COG5: variants seen among roughly 807,000 people sequenced by gnomAD.
The protein encoded by COG5 is component of oligomeric golgi complex 5, also known as conserved oligomeric Golgi complex subunit 5.
Under a neutral mutation model 110.4 loss-of-function variants are expected in COG5, and 86 were observed. The observed-to-expected ratio is 0.78, with a 90% confidence interval of 0.65 to 0.93. COG5 has a LOEUF of 0.93. Among genes scored for constraint, COG5 ranks in the 40% least tolerant of loss-of-function variants. The pLI is 0.00. For missense variants in COG5, 1,077 were observed against 987.0 expected (o/e 1.09, Z -1.22); for synonymous variants, 360 against 334.6 (o/e 1.08, Z -0.83).
intron 21 of COG5, among the ~76,000 whole-genome samples, chr7:107,205,007 A>G (rs1222539304): frequency 6.6e-6 from 1 of 152,078 alleles, no homozygotes; most frequent in Non-Finnish European, 1.5e-5. Flanking sequence ...TGCTACACAC[A>G]TTTCCACATC....
chr7:107,508,497 T>C (rs1554452235), intron 6 of COG5, among the ~76,000 whole-genome samples: 1 of 152,192 alleles, frequency 6.6e-6, no homozygotes, highest in Non-Finnish European at 1.5e-5. Context: ...CTCTGCAGAC[T>C]TAAAGGTCCC....
intron 10 of COG5, among the ~76,000 whole-genome samples, chr7:107,352,410 G>A (rs1812236872): frequency 6.7e-6 from 1 of 150,350 alleles, no homozygotes; most frequent in South Asian, 2.1e-4. Context: ...GTATACATAT[G>A]GAACAAACCT....
intron 7 of COG5, among the ~76,000 whole-genome samples, chr7:107,378,439 A>G (rs1814818478): frequency 1.3e-5 from 2 of 152,200 alleles, no homozygotes; most frequent in African/African-American, 4.8e-5. Flanking sequence ...AAATGACAGA[A>G]GCAGGCTTCA....
intron 10 of COG5, among the ~76,000 whole-genome samples, chr7:107,339,231 CA>C (rs1324051829): frequency 1.3e-5 from 2 of 151,990 alleles, no homozygotes; most frequent in African/African-American, 2.4e-5. Flanking sequence ...GTTCTTAGGT[CA>C]GATAAAACAG....
chr7:107,427,433 C>T (rs538170248), intron 6 of COG5, among the ~76,000 whole-genome samples: 2 of 152,264 alleles, frequency 1.3e-5, no homozygotes, highest in South Asian at 2.1e-4. Context: ...GAATTAAATA[C>T]ATTTTAGGAC....
intron 10 of COG5, among the ~76,000 whole-genome samples, chr7:107,325,297 T>A (rs544745414): frequency 6.6e-6 from 1 of 152,220 alleles, no homozygotes; most frequent in African/African-American, 2.4e-5. Context: ...GTATACAATA[T>A]AATACTGCCA....
intron 12 of COG5, among the ~76,000 whole-genome samples, chr7:107,286,619 G>T (rs990134673): frequency 6.6e-6 from 1 of 152,144 alleles, no homozygotes; most frequent in Non-Finnish European, 1.5e-5. Context: ...AATTCTACTT[G>T]TGCAACTCTT....
intron 1 of COG5, chr7:107,563,543 A>AAGGGGGG: frequency 6.3e-6 from 2 of 316,268 alleles, no homozygotes; most frequent in South Asian, 4.6e-5. Flanking sequence ...AGCTGGAGGC[A>AAGGGGGG]TGGGGGGGGG....
intron 11 of COG5, among the ~76,000 whole-genome samples, chr7:107,307,153 G>A (rs1807797832): frequency 6.6e-6 from 1 of 152,122 alleles, no homozygotes. Flanking sequence ...CCAGACTGCA[G>A]CCAGACTTTC....
Position 107,203,333 on chromosome 7 carries a change from T to C in COG5, c.*183A>G. ...GGTCCATGGAATTGAAAGGTGGTGA[T>C]AACTCAACATTTTTTATGCTAAAGT... On this transcript the variant is annotated 3_prime_UTR_variant, in exon 22 of 22. Coordinates refer to ENST00000297135, the MANE Select transcript of COG5 (RefSeq NM_006348.5). 3.3e-6 allele frequency: 2 copies of C among 610,886 alleles called. No homozygotes were observed. Among genetic ancestry groups the C allele is most frequent in the Non-Finnish European group, 5.8e-6 (2 of 341,932 alleles). 37.8% of individuals were successfully genotyped at this position (610,886 alleles called of 1,614,324 possible). A position where few individuals can be genotyped will look rare whatever the true frequency, so the allele number is the denominator to read the frequency against.
intron 14 of COG5, among the ~76,000 whole-genome samples, chr7:107,260,075 GAT>G (rs143875588): frequency 5.3e-4 from 69 of 131,314 alleles, no homozygotes; most frequent in East Asian, 1.1e-3. Flanking sequence ...AACTCCTAGT[GAT>G]ATATATATAT....
chr7:107,391,764 C>A (rs1042890507), intron 7 of COG5, among the ~76,000 whole-genome samples: 2 of 152,222 alleles, frequency 1.3e-5, no homozygotes, highest in East Asian at 1.9e-4. Flanking sequence ...AGTTTGAGAA[C>A]CACTATTTAC....
chr7:107,426,227 T>C (rs1793633738), intron 6 of COG5, among the ~76,000 whole-genome samples: 1 of 152,202 alleles, frequency 6.6e-6, no homozygotes, highest in Non-Finnish European at 1.5e-5. Context: ...CTCCAGACAC[T>C]GTTATAAGAA....
chr7:107,318,219 G>T (rs941340184), intron 11 of COG5, among the ~76,000 whole-genome samples: 1 of 151,934 alleles, frequency 6.6e-6, no homozygotes, highest in African/African-American at 2.4e-5. Flanking sequence ...GAAGAGACAG[G>T]GTTTCACCAT....
intron 6 of COG5, among the ~76,000 whole-genome samples, chr7:107,445,498 T>A (rs1038082097): frequency 3.3e-5 from 5 of 152,238 alleles, no homozygotes; most frequent in Non-Finnish European, 5.9e-5. Context: ...AAGAGACTAC[T>A]ATTTACAAAC....
At chr7:107,495,825 T>C (rs894645835) in intron 6 of COG5, among the ~76,000 whole-genome samples, 5 of 152,110 alleles carry the variant, frequency 3.3e-5, no homozygotes, top group Admixed American at 6.6e-5. Flanking sequence ...ACAAAAGTAT[T>C]TGATTAACAT....
At chr7:107,281,874 G>C (rs1451568557) in intron 13 of COG5, among the ~76,000 whole-genome samples, 2 of 152,074 alleles carry the variant, frequency 1.3e-5, no homozygotes, top group African/African-American at 2.4e-5. Flanking sequence ...AGTTTCAATA[G>C]AGTAGCTTTT....
At chr7:107,479,350 CA>C (rs924476890) in intron 6 of COG5, among the ~76,000 whole-genome samples, 4 of 151,814 alleles carry the variant, frequency 2.6e-5, no homozygotes, top group African/African-American at 9.7e-5. Context: ...GGTATCTGAG[CA>C]GGGGAATTAC....
At chr7:107,532,947 C>A (rs1467658594) in intron 5 of COG5, among the ~76,000 whole-genome samples, 1 of 152,130 alleles carries the variant, frequency 6.6e-6, no homozygotes, top group Non-Finnish European at 1.5e-5. Context: ...AATACTAGTT[C>A]TCATGCTTAA....
Sources: gnomAD v4.1 joint callset for allele counts (sites outside exome capture counted in the v4.1 genomes callset) on GRCh38, gnomAD v4.1.1 for gene constraint, MANE v1.5 for transcripts, NCBI Gene and HGNC (gene_info 2026-07-23, HGNC 2026-07-21) for gene names.